The following ZNRF3 variants were observed in gnomAD, a reference collection of about 807,000 sequenced individuals.
The protein encoded by ZNRF3 is E3 ubiquitin-protein ligase ZNRF3.
Under a neutral mutation model 72.5 loss-of-function variants are expected in ZNRF3, and 23 were observed. The observed-to-expected ratio is 0.32, with a 90% confidence interval of 0.23 to 0.45. The LOEUF is 0.45. Among genes scored for constraint, ZNRF3 ranks in the 20% least tolerant of loss-of-function variants. The pLI is 1.00. For synonymous variants in ZNRF3, 610 were observed against 545.3 expected (o/e 1.12, Z -1.65); for missense variants, 1,169 against 1,272.1 (o/e 0.92, Z 1.23).
At position 29,050,264 on chromosome 22, in the gene ZNRF3, C is replaced by T. The variant is rs773142324; in HGVS notation, c.2083C>T (p.Pro695Ser). ...VGLEASPGAAPDLRRTWKGGH... is the reference protein window; with the variant it reads ...VGLEASPGAASDLRRTWKGGH... ...GCTCGAGGCTTCTCCTGGGGCCGCC[C>T]CTGACCTCAGGAGGACCTGGAAGGG... The change falls in exon 8 of 9, where the codon CCT becomes TCT. Residue 695 changes from proline (P) to serine (S), a missense_variant. Around this residue, in one of 2 missense-constraint regions of ZNRF3, gnomAD observed 783 missense variants for 731.4 expected, o/e 1.07. Transcript: ENST00000544604. 1 of 1,598,402 alleles carries T rather than the reference C, an allele frequency of 6.3e-7. No individual in the cohort carries two copies. Among genetic ancestry groups the T allele is most frequent in the African/African-American group, 1.3e-5 (1 of 74,910 alleles).
intron 2 of ZNRF3, among the ~76,000 whole-genome samples, chr22:29,015,275 G>T (rs2123855496): frequency 6.6e-6 from 1 of 152,248 alleles, no homozygotes; most frequent in South Asian, 2.1e-4. Context: ...TCTAATAATT[G>T]CCTATAACTT....
intron 1 of ZNRF3, among the ~76,000 whole-genome samples, chr22:28,894,426 C>T (rs971796401): frequency 6.7e-6 from 1 of 150,092 alleles, no homozygotes; most frequent in African/African-American, 2.5e-5. Context: ...CATCTGGGTG[C>T]CTCCCTTGTA....
chr22:28,954,689 A>G (rs1402283723), intron 1 of ZNRF3, among the ~76,000 whole-genome samples: 1 of 151,726 alleles, frequency 6.6e-6, no homozygotes, highest in Non-Finnish European at 1.5e-5. Context: ...AGTGCAGTCC[A>G]TGACCATGGC....
At chr22:28,894,658 C>T (rs1425740858) in intron 1 of ZNRF3, among the ~76,000 whole-genome samples, 1 of 152,162 alleles carries the variant, frequency 6.6e-6, no homozygotes, top group African/African-American at 2.4e-5. Flanking sequence ...TGCTTCTGAA[C>T]AGGCTGGATT....
At chr22:29,032,081 C>G (rs976429321) in intron 2 of ZNRF3, among the ~76,000 whole-genome samples, 3 of 152,226 alleles carry the variant, frequency 2.0e-5, no homozygotes, top group African/African-American at 7.2e-5. Flanking sequence ...CCTGCACTTT[C>G]CTGGGGTTGG....
intron 1 of ZNRF3, among the ~76,000 whole-genome samples, chr22:28,902,653 TTGGGTTTGAATCC>T (rs995442886): frequency 1.2e-4 from 18 of 152,340 alleles, no homozygotes; most frequent in African/African-American, 4.1e-4. Flanking sequence ...GCCAGACAGC[TTGGGTTTGAATCC>T]TGGCTTTGGC....
chr22:29,015,668 T>TC (rs1266791997), intron 2 of ZNRF3, among the ~76,000 whole-genome samples: 1 of 139,526 alleles, frequency 7.2e-6, no homozygotes, highest in African/African-American at 2.7e-5. Flanking sequence ...AGATTCTGTT[T>TC]AAAAAAAAAA....
intron 2 of ZNRF3, among the ~76,000 whole-genome samples, chr22:29,036,167 T>C (rs1296806011): frequency 1.3e-5 from 2 of 152,220 alleles, no homozygotes; most frequent in Non-Finnish European, 2.9e-5. Context: ...TTCTGAGTTA[T>C]TTTAAATTGT....
intron 1 of ZNRF3, among the ~76,000 whole-genome samples, chr22:28,914,580 C>T (rs1025695254): frequency 2.0e-5 from 3 of 149,904 alleles, no homozygotes; most frequent in Admixed American, 6.7e-5. Context: ...TTTGGGAGGC[C>T]GAGGTGGGAG....
chr22:28,976,297 A>G (rs1209872288), intron 1 of ZNRF3, among the ~76,000 whole-genome samples: 1 of 152,166 alleles, frequency 6.6e-6, no homozygotes, highest in African/African-American at 2.4e-5. Flanking sequence ...TGGGTGGGTT[A>G]CTTGAGTTGG....
chr22:29,025,753 C>T (rs577836964), intron 2 of ZNRF3: 3 of 152,144 alleles, frequency 2.0e-5, no homozygotes, highest in Admixed American at 6.5e-5. Context: ...AACTCCGGAC[C>T]GCAGGTGATC....
At chr22:28,964,462 G>A (rs34293193) in intron 1 of ZNRF3, among the ~76,000 whole-genome samples, 39,718 of 152,042 alleles carry the variant, frequency 0.26, 6,466 homozygotes, top group Middle Eastern at 0.41. Flanking sequence ...AGGGGTGAGG[G>A]GAACAACTCA....
Position 29,051,001 on chromosome 22 carries a change from C to G in ZNRF3, c.2767+53C>G, listed in dbSNP as rs894319272. Reference sequence around the variant, plus strand: ...GAGCAGGAGTTTCCATCAGGGTCGTCTTGTCTTCTGTCTTAGGCATTTTCT... The same window carrying G: ...GAGCAGGAGTTTCCATCAGGGTCGTGTTGTCTTCTGTCTTAGGCATTTTCT... On this transcript the variant is annotated intron_variant, in intron 8 of 8. Transcript: ENST00000544604. 16 of 1,487,482 alleles carry G rather than the reference C, an allele frequency of 1.1e-5. No individual in the cohort carries two copies. In the African/African-American group the frequency reaches 2.1e-4, roughly 20 times the overall value. The allele number at this position is 1,487,482 out of a possible 1,614,324, so 92.1% of individuals were successfully genotyped here. A position where few individuals can be genotyped will look rare whatever the true frequency, so the allele number is the denominator to read the frequency against.
chr22:28,985,995 G>T (rs1337486484), intron 1 of ZNRF3, among the ~76,000 whole-genome samples: 2 of 152,136 alleles, frequency 1.3e-5, no homozygotes, highest in Non-Finnish European at 2.9e-5. Context: ...AAGCACATCA[G>T]CCTCTGCTTC....
intron 2 of ZNRF3, among the ~76,000 whole-genome samples, chr22:28,990,097 C>T (rs1392508220): frequency 6.6e-6 from 1 of 152,184 alleles, no homozygotes; most frequent in Non-Finnish European, 1.5e-5. Flanking sequence ...GGCAAGACCC[C>T]ACAGGGGAGC....
At position 29,053,653 on chromosome 22, in the gene ZNRF3, G is replaced by A; in HGVS notation, c.*31G>A. ...GGAGGAACTCTTACCTGGAAATTGGGAACTGTATGGAGACTCCAAACTGAC... is the reference window on the plus strand; with the variant it reads ...GGAGGAACTCTTACCTGGAAATTGGAAACTGTATGGAGACTCCAAACTGAC... On this transcript the variant is annotated 3_prime_UTR_variant, in exon 9 of 9. Coordinates refer to ENST00000544604, the MANE Select transcript of ZNRF3 (RefSeq NM_001206998.2). 3 of 1,607,014 alleles carry A rather than the reference G, an allele frequency of 1.9e-6. No homozygotes were observed. The highest frequency in any genetic ancestry group is 1.7e-6 in the Non-Finnish European group (2 of 1,176,280).
chr22:29,001,530 G>C (rs902118112), intron 2 of ZNRF3, among the ~76,000 whole-genome samples: 1 of 148,432 alleles, frequency 6.7e-6, no homozygotes, highest in African/African-American at 2.5e-5. Context: ...GGAGTGCAGT[G>C]GCATGATCTT....
At chr22:28,994,511 A>T (rs745762129) in intron 2 of ZNRF3, among the ~76,000 whole-genome samples, 1 of 151,794 alleles carries the variant, frequency 6.6e-6, no homozygotes, top group Non-Finnish European at 1.5e-5. Flanking sequence ...TTATCACTCA[A>T]AGTGGTATTA....
chr22:29,053,155 A>G (rs558194299), intron 8 of ZNRF3, among the ~76,000 whole-genome samples: 254 of 151,908 alleles, frequency 1.7e-3, no homozygotes, highest in Non-Finnish European at 2.6e-3. Flanking sequence ...TCTCCTCCAG[A>G]TCTTAGGTTA....
Sources: gnomAD v4.1 joint callset for allele counts (sites outside exome capture counted in the v4.1 genomes callset) on GRCh38, gnomAD v4.1.1 for gene constraint, gnomAD v4.1.1 regional missense constraint, MANE v1.5 for transcripts, NCBI Gene and HGNC (gene_info 2026-07-23, HGNC 2026-07-21) for gene names.